CEP112: variants seen among roughly 807,000 people sequenced by gnomAD.
CEP112 encodes centrosomal protein of 112 kDa.
A neutral mutation model predicts 153.0 loss-of-function variants in CEP112; 127 were observed. That is an observed-to-expected ratio of 0.83 (90% CI 0.72 to 0.96). The LOEUF (loss-of-function observed/expected upper bound fraction) is 0.96. CEP112 is among the 40% of genes least tolerant of loss of function. CEP112 has a pLI of 0.00. For synonymous variants in CEP112, 358 were observed against 374.4 expected (o/e 0.96, Z 0.51); for missense variants, 1,089 against 1,101.2 (o/e 0.99, Z 0.16).
At chr17:65,797,215 T>G (rs1164222854) in intron 21 of CEP112, 1 of 152,252 alleles carries the variant, frequency 6.6e-6, no homozygotes, top group East Asian at 1.9e-4. Flanking sequence ...GAGTGACTGG[T>G]TCTGCTGGAG....
Position 65,857,879 on chromosome 17 carries a change from T to C in CEP112, c.2164-5845A>G, listed in dbSNP as rs185696338. On this transcript the variant is annotated intron_variant, in intron 20 of 26. Coordinates refer to ENST00000535342, the MANE Select transcript of CEP112 (RefSeq NM_001199165.4). ...CAGTAGGGCCATCTGGGCTTGATAT[T>C]GTATATCTGGAAAACATTTTGACTA... is the stretch of plus-strand genomic sequence containing the variant. Among the ~76,000 whole-genome samples the C allele has an allele frequency of 1.3e-3, 199 of 152,342 alleles. 1 individual carries two copies. The highest frequency in any genetic ancestry group is 4.7e-3 in the African/African-American group (194 of 41,578).
At chr17:66,149,032 A>T (rs1354951524) in intron 4 of CEP112, among the ~76,000 whole-genome samples, 1 of 152,198 alleles carries the variant, frequency 6.6e-6, no homozygotes, top group Non-Finnish European at 1.5e-5. Context: ...TCTTCTTATC[A>T]AAAAAGGGAG....
chr17:66,035,646 C>T (rs1324826512), intron 12 of CEP112, among the ~76,000 whole-genome samples: 1 of 152,136 alleles, frequency 6.6e-6, no homozygotes, highest in African/African-American at 2.4e-5. Context: ...TTTGTACTCC[C>T]ATGCAAAAGT....
chr17:65,695,110 A>G (rs963712405), intron 23 of CEP112, among the ~76,000 whole-genome samples: 1 of 152,098 alleles, frequency 6.6e-6, no homozygotes, highest in Admixed American at 6.6e-5. Context: ...TGACTTTCAG[A>G]GTGCTTTCTG....
At chr17:66,000,526 C>G (rs2063992799) in intron 17 of CEP112, among the ~76,000 whole-genome samples, 1 of 150,272 alleles carries the variant, frequency 6.7e-6, no homozygotes, top group African/African-American at 2.4e-5. Flanking sequence ...TTTTGCATTA[C>G]TTAAGTCTTT....
At chr17:66,164,886 ATGTGTGTGTG>A (rs57252258) in intron 4 of CEP112, among the ~76,000 whole-genome samples, 30 of 137,608 alleles carry the variant, frequency 2.2e-4, no homozygotes, top group South Asian at 4.7e-4. Flanking sequence ...ACACACATAT[ATGTGTGTGTG>A]TGTGTGTGTG....
chr17:65,867,939 G>T (rs1033436729), intron 20 of CEP112, among the ~76,000 whole-genome samples: 6 of 149,146 alleles, frequency 4.0e-5, no homozygotes, highest in Non-Finnish European at 7.4e-5. Context: ...ATGTTGAAGG[G>T]GAAAAAAAAC....
At chr17:65,971,450 C>T (rs528965408) in intron 17 of CEP112, among the ~76,000 whole-genome samples, 17 of 71,766 alleles carry the variant, frequency 2.4e-4, no homozygotes, top group East Asian at 3.7e-3. Flanking sequence ...ATGCCGCATG[C>T]ATGCATATCA....
At chr17:65,648,178 T>C (rs1262862079) in intron 24 of CEP112, among the ~76,000 whole-genome samples, 1 of 152,146 alleles carries the variant, frequency 6.6e-6, no homozygotes, top group Non-Finnish European at 1.5e-5. Flanking sequence ...CTGTGGATAA[T>C]CACGTGCTCT....
intron 4 of CEP112, among the ~76,000 whole-genome samples, chr17:66,141,866 G>A (rs989539123): frequency 6.6e-6 from 1 of 152,232 alleles, no homozygotes; most frequent in Non-Finnish European, 1.5e-5. Context: ...AGCTTTTTGA[G>A]ATCCTGATTT....
Position 66,191,406 on chromosome 17 carries a change from G to A in CEP112, c.-9+591C>T, listed in dbSNP as rs970400818. On this transcript the variant is annotated intron_variant, in intron 1 of 26. Coordinates refer to ENST00000535342, the MANE Select transcript of CEP112 (RefSeq NM_001199165.4). This position sits in a 1 kb window ranked among gnomAD's most constrained non-coding sequence, Gnocchi z 4.2. ...AAAGCTGTTCACATTTACTTATGTC[G>A]TTCTCTTGAACACTTAAAAATAATT... Among the ~76,000 whole-genome samples, 1 of 152,172 alleles carries A rather than the reference G, an allele frequency of 6.6e-6. No homozygotes were observed. The highest frequency in any genetic ancestry group is 2.4e-5 in the African/African-American group (1 of 41,438).
chr17:65,774,078 C>T (rs2053536040), intron 21 of CEP112, among the ~76,000 whole-genome samples: 1 of 130,224 alleles, frequency 7.7e-6, no homozygotes, highest in East Asian at 2.7e-4. Context: ...CAAAGTGAGG[C>T]TCCATCTCAA....
intron 21 of CEP112, among the ~76,000 whole-genome samples, chr17:65,818,364 T>G (rs1393505615): frequency 6.6e-6 from 1 of 151,970 alleles, no homozygotes; most frequent in East Asian, 1.9e-4. Context: ...TTTTAAGATA[T>G]CAAAATCTTC....
intron 24 of CEP112, chr17:65,654,804 A>G (rs766425286): frequency 3.6e-5 from 14 of 383,908 alleles, no homozygotes; most frequent in Non-Finnish European, 6.5e-5. Flanking sequence ...GTCAAAGGCC[A>G]GAAAATTACT....
intron 21 of CEP112, among the ~76,000 whole-genome samples, chr17:65,759,887 A>T (rs1305294823): frequency 2.6e-5 from 4 of 152,228 alleles, no homozygotes; most frequent in Non-Finnish European, 5.9e-5. Context: ...TTGTAAGTAC[A>T]AAGTATCTTA....
intron 24 of CEP112, among the ~76,000 whole-genome samples, chr17:65,656,650 G>A (rs561839055): frequency 1.3e-5 from 2 of 152,250 alleles, no homozygotes; most frequent in East Asian, 3.9e-4. Context: ...AGACCTTATA[G>A]CTCACAAAGC....
intron 4 of CEP112, among the ~76,000 whole-genome samples, chr17:66,138,395 A>G (rs937435285): frequency 7.2e-5 from 11 of 152,166 alleles, no homozygotes; most frequent in Admixed American, 2.6e-4. Context: ...CAGGAACTCA[A>G]ATAAGACAAA....
At chr17:65,660,719 A>G (rs955136542) in intron 24 of CEP112, among the ~76,000 whole-genome samples, 1 of 150,632 alleles carries the variant, frequency 6.6e-6, no homozygotes, top group Non-Finnish European at 1.5e-5. Context: ...TAATTTTTGT[A>G]TTTTTTTTTG....
intron 24 of CEP112, among the ~76,000 whole-genome samples, chr17:65,687,734 C>T (rs573894045): frequency 1.3e-5 from 2 of 152,244 alleles, no homozygotes; most frequent in Non-Finnish European, 2.9e-5. Flanking sequence ...AATCCTCTAT[C>T]GTGGGATCCT....
Sources: allele counts gnomAD v4.1 joint callset (sites outside exome capture counted in the v4.1 genomes callset), GRCh38; gene constraint gnomAD v4.1.1; non-coding constraint Gnocchi (gnomAD v3.1); transcripts MANE v1.5; gene names NCBI Gene and HGNC (gene_info 2026-07-23, HGNC 2026-07-21).